TULP4: variants seen among roughly 807,000 people sequenced by gnomAD.
TULP4 encodes the protein TUB like protein 4.
A neutral mutation model predicts 129.0 loss-of-function variants in TULP4; 16 were observed. The ratio of observed to expected loss-of-function variants is 0.12; its 90% CI spans 0.08 to 0.19. The LOEUF is 0.19. TULP4 is among the 10% of genes least tolerant of loss of function. The pLI, the probability that TULP4 is intolerant of heterozygous loss-of-function variation, is 1.00. For missense variants in TULP4, 1,842 were observed against 2,059.1 expected (o/e 0.89, Z 2.04); for synonymous variants, 998 against 854.0 (o/e 1.17, Z -2.94).
intron 3 of TULP4, among the ~76,000 whole-genome samples, chr6:158,446,590 C>T (rs780040494): frequency 6.6e-6 from 1 of 152,188 alleles, no homozygotes; most frequent in Non-Finnish European, 1.5e-5. Context: ...TACATCATGA[C>T]AGGGCCTAGG....
At chr6:158,368,141 G>A (rs965278373) in intron 1 of TULP4, among the ~76,000 whole-genome samples, 2 of 148,556 alleles carry the variant, frequency 1.3e-5, no homozygotes, top group African/African-American at 2.5e-5. Context: ...TGAGCTTTCC[G>A]TAAATTTTCT....
intron 1 of TULP4, among the ~76,000 whole-genome samples, chr6:158,372,917 C>A (rs1777103131): frequency 6.6e-6 from 1 of 152,142 alleles, no homozygotes; most frequent in Non-Finnish European, 1.5e-5. Context: ...ATATAAAGAA[C>A]TAGGAAATCG....
chr6:158,490,379 C>T (rs963075670), intron 9 of TULP4, among the ~76,000 whole-genome samples: 1 of 152,168 alleles, frequency 6.6e-6, no homozygotes, highest in Non-Finnish European at 1.5e-5. Context: ...GGCAATAGAG[C>T]AAGACTGCAC....
At chr6:158,331,679 C>T (rs193209417) in intron 1 of TULP4, among the ~76,000 whole-genome samples, 3,493 of 136,614 alleles carry the variant, frequency 0.026, 241 homozygotes, top group Non-Finnish European at 0.035. Flanking sequence ...CTGCTGGACT[C>T]GTTCAACAGA....
rs1002771687 is a variant in TULP4 at position 158,490,598 on chromosome 6, A to G, written c.1631+866A>G. 1.8e-4 allele frequency among the ~76,000 whole-genome samples: 28 copies of G among 152,270 alleles called. 1 individual carries two copies. The highest frequency in any genetic ancestry group is 1.7e-3 in the Admixed American group (26 of 15,304). On this transcript the variant is annotated intron_variant, in intron 9 of 13. Coordinates refer to ENST00000367097, the MANE Select transcript of TULP4 (RefSeq NM_020245.5). ...TCGTAAACACCTAGCTCATTGTACA[A>G]GGGCTATCCCAGTGTCTTCCCCCAA...
At chr6:158,384,509 T>C (rs1409753252) in intron 1 of TULP4, among the ~76,000 whole-genome samples, 3 of 152,116 alleles carry the variant, frequency 2.0e-5, no homozygotes, top group Non-Finnish European at 4.4e-5. Context: ...AGGATGATCT[T>C]GATCTCCTGA....
At chr6:158,477,663 G>C (rs914663070) in intron 6 of TULP4, among the ~76,000 whole-genome samples, 1 of 152,236 alleles carries the variant, frequency 6.6e-6, no homozygotes, top group South Asian at 2.1e-4. Context: ...TACACTGCTA[G>C]TGGGAGTGTA....
intron 1 of TULP4, among the ~76,000 whole-genome samples, chr6:158,256,558 A>G (rs1361590158): frequency 1.3e-5 from 2 of 152,198 alleles, no homozygotes; most frequent in Non-Finnish European, 2.9e-5. Context: ...AGGATGTATT[A>G]ATATGTCTGA....
At chr6:158,324,659 G>A (rs1779707917) in intron 1 of TULP4, among the ~76,000 whole-genome samples, 1 of 152,126 alleles carries the variant, frequency 6.6e-6, no homozygotes, top group South Asian at 2.1e-4. Flanking sequence ...ATATATTCCT[G>A]TAATTTGTGT....
intron 5 of TULP4, among the ~76,000 whole-genome samples, chr6:158,455,733 T>C (rs1779278524): frequency 1.0e-5 from 1 of 98,488 alleles, no homozygotes; most frequent in Non-Finnish European, 2.0e-5. Context: ...CAAGACTCCG[T>C]CTCAAAAAAA....
chr6:158,350,270 ACATCCCAGACGATGGGCG>A (rs1252125385), intron 1 of TULP4, among the ~76,000 whole-genome samples: 2 of 4,632 alleles, frequency 4.3e-4, no homozygotes, highest in African/African-American at 6.8e-4. Context: ...GGGGCTCCTC[ACATCCCAGACGATGGGCG>A]GCCAGGCAGA....
At chr6:158,436,419 A>G (rs190818935) in intron 3 of TULP4, among the ~76,000 whole-genome samples, 1 of 152,382 alleles carries the variant, frequency 6.6e-6, no homozygotes, top group African/African-American at 2.4e-5. Flanking sequence ...AAATACAGGT[A>G]CAGGTATACT....
chr6:158,309,707 A>G (rs1368886096), upstream of TULP4, among the ~76,000 whole-genome samples: 1 of 152,072 alleles, frequency 6.6e-6, no homozygotes, highest in Admixed American at 6.5e-5. Flanking sequence ...TGGCCAACAC[A>G]GCGAAACCCC....
chr6:158,284,564 G>A (rs1421968085), intron 1 of TULP4, among the ~76,000 whole-genome samples: 2 of 152,204 alleles, frequency 1.3e-5, no homozygotes, highest in African/African-American at 2.4e-5. Context: ...TGCTTGATTC[G>A]TTCATTCCTC....
intron 1 of TULP4, among the ~76,000 whole-genome samples, chr6:158,329,531 C>A (rs1164741061): frequency 1.3e-5 from 2 of 150,632 alleles, no homozygotes; most frequent in African/African-American, 4.9e-5. Context: ...TTTGTAAACT[C>A]CTTGGTAGCA....
chr6:158,448,238 C>T (rs565294249), intron 3 of TULP4, among the ~76,000 whole-genome samples: 1 of 152,226 alleles, frequency 6.6e-6, no homozygotes, highest in East Asian at 1.9e-4. Context: ...ATGGGTGAGG[C>T]CAAGGAAGGT....
At chr6:158,454,019 C>CTCT (rs770740499) in intron 5 of TULP4, among the ~76,000 whole-genome samples, 2 of 66,116 alleles carry the variant, frequency 3.0e-5, no homozygotes, top group Non-Finnish European at 5.1e-5. Context: ...TGCCTCTGCA[C>CTCT]CGCCCCCCCC....
intron 1 of TULP4, among the ~76,000 whole-genome samples, chr6:158,380,295 A>G (rs868538347): frequency 1.3e-5 from 2 of 152,214 alleles, no homozygotes. Flanking sequence ...TCCAAACTGT[A>G]CAGTTCCCTT....
At chr6:158,453,623 T>A (rs1378363429) in intron 5 of TULP4, among the ~76,000 whole-genome samples, 1 of 151,114 alleles carries the variant, frequency 6.6e-6, no homozygotes, top group Non-Finnish European at 1.5e-5. Context: ...ACCTCGTCTG[T>A]ATTAAAAATA....
Sources: gnomAD v4.1 joint callset for allele counts (sites outside exome capture counted in the v4.1 genomes callset) on GRCh38, gnomAD v4.1.1 for gene constraint, MANE v1.5 for transcripts, NCBI Gene and HGNC (gene_info 2026-07-23, HGNC 2026-07-21) for gene names.